The following ZNF609 variants were observed in gnomAD, a reference collection of about 807,000 sequenced individuals.
ZNF609 encodes zinc finger protein 609.
Under a neutral mutation model 109.5 loss-of-function variants are expected in ZNF609, and 11 were observed. The observed-to-expected ratio is 0.10, with a 90% CI of 0.06 to 0.17. The LOEUF is 0.17. Ranked by LOEUF, ZNF609 falls within the 10% of genes least tolerant of loss-of-function variation. ZNF609 has a pLI of 1.00. For synonymous variants in ZNF609, 646 were observed against 662.0 expected, an observed-to-expected ratio of 0.98 and a Z score of 0.37; for missense variants, 1,559 against 1,772.4, an observed-to-expected ratio of 0.88 and a Z score of 2.16.
At chr15:64,577,012 G>GAAATATATATATGTATA in intron 2 of ZNF609, among the ~76,000 whole-genome samples, 1 of 96,280 alleles carries the variant, frequency 1.0e-5, no homozygotes, top group East Asian at 2.7e-4. Flanking sequence ...ATATATGTAT[G>GAAATATATATATGTATA]TATACACATA....
intron 4 of ZNF609, among the ~76,000 whole-genome samples, chr15:64,671,939 C>T (rs1000269740): frequency 6.6e-6 from 1 of 151,026 alleles, no homozygotes; most frequent in Non-Finnish European, 1.5e-5. Context: ...TGTGATTATT[C>T]TCTACCGAGG....
chr15:64,551,381 C>T (rs891700939), intron 2 of ZNF609, among the ~76,000 whole-genome samples: 3 of 152,068 alleles, frequency 2.0e-5, no homozygotes, highest in Admixed American at 6.6e-5. Flanking sequence ...TCTTGCTTGG[C>T]GCGGTGGCTC....
intron 2 of ZNF609, among the ~76,000 whole-genome samples, chr15:64,534,329 T>C (rs972639368): frequency 6.7e-6 from 1 of 149,214 alleles, no homozygotes; most frequent in Non-Finnish European, 1.5e-5. Flanking sequence ...TTTTTTTTTT[T>C]AAGATAGAGT....
At chr15:64,672,611 C>A (rs866868898) in intron 4 of ZNF609, among the ~76,000 whole-genome samples, 6 of 139,516 alleles carry the variant, frequency 4.3e-5, no homozygotes, top group African/African-American at 1.6e-4. Flanking sequence ...GGCGACAGAG[C>A]AACACTCCAT....
rs564431874 is a variant in ZNF609, at chr15:64,573,590, C to T, written c.748-49237C>T. 1.7e-4 allele frequency among the ~76,000 whole-genome samples: 25 copies of T among 151,192 alleles called. No homozygotes were observed. The South Asian group carries it at 4.2e-3, about 25-fold the overall frequency. Reference sequence around the variant, plus strand: ...ACCTTGTTGAGGATGGTCTTGATCTCCTGACCTCGTGATCCGCCCACCTCG... The same window carrying T: ...ACCTTGTTGAGGATGGTCTTGATCTTCTGACCTCGTGATCCGCCCACCTCG... On this transcript the variant is annotated intron_variant, in intron 2 of 9. Coordinates refer to ENST00000326648, the MANE Select transcript of ZNF609 (RefSeq NM_015042.2).
intron 2 of ZNF609, among the ~76,000 whole-genome samples, chr15:64,622,620 G>A (rs535969342): frequency 7.2e-5 from 11 of 152,258 alleles, no homozygotes; most frequent in Non-Finnish European, 1.5e-4. Context: ...ATTAATAAGA[G>A]TTTCTCTTAG....
chr15:64,529,487 C>A (rs1894023120), intron 2 of ZNF609: 2 of 1,091,950 alleles, frequency 1.8e-6, no homozygotes, highest in Admixed American at 3.4e-5. Context: ...CCGTTCTCAG[C>A]CTTGACGGTG....
intron 3 of ZNF609, among the ~76,000 whole-genome samples, chr15:64,626,956 C>A (rs1161242542): frequency 1.3e-5 from 2 of 152,124 alleles, no homozygotes; most frequent in Non-Finnish European, 1.5e-5. Flanking sequence ...CACTTCAAAT[C>A]AAAATACTGA....
intron 2 of ZNF609, among the ~76,000 whole-genome samples, chr15:64,557,926 C>T (rs1352120699): frequency 6.6e-6 from 1 of 152,104 alleles, no homozygotes; most frequent in Non-Finnish European, 1.5e-5. Flanking sequence ...CCTCGTGATC[C>T]GCCCGCCTCG....
chr15:64,630,318 C>T (rs577407521), intron 3 of ZNF609, among the ~76,000 whole-genome samples: 3 of 151,756 alleles, frequency 2.0e-5, no homozygotes, highest in Admixed American at 6.6e-5. Context: ...GTGATCCACC[C>T]GCCTCGGCCT....
At chr15:64,626,517 C>T (rs1895965724) in intron 3 of ZNF609, among the ~76,000 whole-genome samples, 1 of 152,086 alleles carries the variant, frequency 6.6e-6, no homozygotes, top group Non-Finnish European at 1.5e-5. Flanking sequence ...GCAAACTACA[C>T]TGTCTTCAAA....
At chr15:64,526,563 TATG>T (rs1441768271) in intron 2 of ZNF609, among the ~76,000 whole-genome samples, 2 of 152,220 alleles carry the variant, frequency 1.3e-5, no homozygotes, top group Non-Finnish European at 2.9e-5. Flanking sequence ...AATTATTAAA[TATG>T]ATGTTAATTA....
chr15:64,671,060 A>G (rs1221313598), intron 4 of ZNF609, among the ~76,000 whole-genome samples: 1 of 151,226 alleles, frequency 6.6e-6, no homozygotes, highest in African/African-American at 2.4e-5. Context: ...ATACAAAAAA[A>G]TTAGCCGGGC....
At chr15:64,553,847 C>A (rs1894531179) in intron 2 of ZNF609, among the ~76,000 whole-genome samples, 1 of 152,128 alleles carries the variant, frequency 6.6e-6, no homozygotes, top group African/African-American at 2.4e-5. Context: ...ATCCACCTGC[C>A]TCAGCCTCCC....
intron 3 of ZNF609, among the ~76,000 whole-genome samples, chr15:64,630,873 T>A (rs1896062995): frequency 6.6e-6 from 1 of 152,254 alleles, no homozygotes; most frequent in Non-Finnish European, 1.5e-5. Context: ...TACAAATATT[T>A]CATAAATAAT....
intron 1 of ZNF609, among the ~76,000 whole-genome samples, chr15:64,472,939 T>C (rs951417389): frequency 1.3e-5 from 2 of 152,172 alleles, no homozygotes; most frequent in Admixed American, 6.5e-5. Context: ...TTATCTGTTT[T>C]GGAACAGATG....
chr15:64,489,553 G>A (rs1468473700), intron 1 of ZNF609, among the ~76,000 whole-genome samples: 3 of 136,822 alleles, frequency 2.2e-5, no homozygotes, highest in Non-Finnish European at 3.1e-5. Context: ...TTTTTTAGAC[G>A]GAGTCTCGCT....
chr15:64,638,015 T>TATATAC (rs1264442722), intron 3 of ZNF609, among the ~76,000 whole-genome samples: 1 of 139,194 alleles, frequency 7.2e-6, no homozygotes, highest in Non-Finnish European at 1.6e-5. Flanking sequence ...TATATATATA[T>TATATAC]AAAATATATA....
At chr15:64,544,425 A>T (rs1397903195) in intron 2 of ZNF609, among the ~76,000 whole-genome samples, 1 of 152,188 alleles carries the variant, frequency 6.6e-6, no homozygotes, top group Non-Finnish European at 1.5e-5. Flanking sequence ...ATTTGAAAGG[A>T]CTTCAGGGCT....
Sources: gnomAD v4.1 joint callset for allele counts (sites outside exome capture counted in the v4.1 genomes callset) on GRCh38, gnomAD v4.1.1 for gene constraint, MANE v1.5 for transcripts, NCBI Gene and HGNC (gene_info 2026-07-23, HGNC 2026-07-21) for gene names.